Variants in AGBL1 observed in about 807,000 individuals in gnomAD.
AGBL1 encodes the protein AGBL carboxypeptidase 1.
Under a neutral mutation model 118.9 loss-of-function variants are expected in AGBL1, and 130 were observed. The ratio of observed to expected loss-of-function variants is 1.09; its 90% CI spans 0.95 to 1.26. AGBL1 has a LOEUF of 1.26. AGBL1 is among the 50% of genes most tolerant of loss of function. The pLI is 0.00. For missense variants in AGBL1, 1,584 were observed against 1,298.1 expected, an observed-to-expected ratio of 1.22 and a Z score of -3.38; for synonymous variants, 555 against 478.9, an observed-to-expected ratio of 1.16 and a Z score of -2.08.
intron 1 of AGBL1, among the ~76,000 whole-genome samples, chr15:86,104,514 C>T (rs1035824520): frequency 6.6e-6 from 1 of 152,188 alleles, no homozygotes; most frequent in African/African-American, 2.4e-5. Context: ...GCCCTGGGTG[C>T]AGCAGCCAGT....
rs1313836861 is a variant in AGBL1, at chr15:86,674,425, G to C, written c.3147G>C (p.Gln1049His). The change falls in exon 22 of 23, where the codon CAG (glutamine) becomes CAC (histidine). Residue 1049 changes from glutamine (Q) to histidine (H), a missense_variant. Physicochemically the swap from Gln to His is conservative, Grantham distance 24 (BLOSUM62 0). Coordinates refer to ENST00000614907, the MANE Select transcript of AGBL1 (RefSeq NM_001386094.1). Reference protein sequence around the residue: ...LLSAEEDALDQHLQRCSSSSG... With the variant: ...LLSAEEDALDHHLQRCSSSSG... The stretch of plus-strand genomic sequence containing the variant: ...GTGCTGAGGAGGACGCTCTGGACCA[G>C]CACCTCCAACGGTAAGATGCTCCCA... 1.2e-6 allele frequency: 2 copies of C among 1,606,240 alleles called. No individual in the cohort carries two copies. Among genetic ancestry groups the C allele is most frequent in the Non-Finnish European group, 1.7e-6 (2 of 1,174,026 alleles).
chr15:86,815,700 A>G (rs904754179), intron 22 of AGBL1, among the ~76,000 whole-genome samples: 1 of 151,778 alleles, frequency 6.6e-6, no homozygotes, highest in Non-Finnish European at 1.5e-5. Context: ...GGGGTCTCCA[A>G]TCTTTCTGAT....
intron 23 of AGBL1, among the ~76,000 whole-genome samples, chr15:86,970,220 A>G (rs1018925062): frequency 6.6e-6 from 1 of 151,920 alleles, no homozygotes; most frequent in African/African-American, 2.4e-5. Context: ...ATGAGATCCC[A>G]ATATACTGGG....
At chr15:86,988,155 T>C in intron 24 of AGBL1, 2 of 1,571,492 alleles carry the variant, frequency 1.3e-6, no homozygotes, top group South Asian at 1.2e-5. Context: ...ATACCCTGCA[T>C]GTGACTACAT....
intron 22 of AGBL1, among the ~76,000 whole-genome samples, chr15:86,770,379 G>C (rs891320838): frequency 5.9e-5 from 9 of 151,918 alleles, no homozygotes; most frequent in African/African-American, 2.2e-4. Flanking sequence ...TCATGACTGG[G>C]AAGGTAGGGT....
At chr15:86,864,908 ACT>A (rs2079604504) in intron 22 of AGBL1, among the ~76,000 whole-genome samples, 1 of 151,902 alleles carries the variant, frequency 6.6e-6, no homozygotes, top group African/African-American at 2.4e-5. Context: ...ACAACCCTAA[ACT>A]CTCTCCATAT....
At chr15:86,226,668 G>A (rs554510366) in intron 6 of AGBL1, among the ~76,000 whole-genome samples, 5 of 152,320 alleles carry the variant, frequency 3.3e-5, no homozygotes, top group East Asian at 1.9e-4. Context: ...GGCTCAGACC[G>A]TGTAGCTAGG....
At chr15:86,946,807 G>A (rs1457183220) in intron 23 of AGBL1, among the ~76,000 whole-genome samples, 2 of 128,954 alleles carry the variant, frequency 1.6e-5, no homozygotes, top group Non-Finnish European at 1.6e-5. Flanking sequence ...TCATGCCATT[G>A]CACTCCAGCC....
intron 18 of AGBL1, among the ~76,000 whole-genome samples, chr15:86,465,731 C>G (rs1434263326): frequency 6.6e-6 from 1 of 152,166 alleles, no homozygotes; most frequent in African/African-American, 2.4e-5. Context: ...AAATTCTAGT[C>G]AGACTGGTTG....
intron 18 of AGBL1, among the ~76,000 whole-genome samples, chr15:86,455,880 T>C (rs1204578048): frequency 6.6e-6 from 1 of 152,136 alleles, no homozygotes; most frequent in African/African-American, 2.4e-5. Context: ...TATTCAAATC[T>C]CTCATAGCCA....
intron 22 of AGBL1, among the ~76,000 whole-genome samples, chr15:86,703,113 A>C (rs547149039): frequency 3.0e-4 from 46 of 152,302 alleles, no homozygotes; most frequent in African/African-American, 1.1e-3. Flanking sequence ...GCTTTTATCA[A>C]CTGGGTAGAG....
At chr15:86,409,538 T>G (rs1226454207) in intron 18 of AGBL1, among the ~76,000 whole-genome samples, 1 of 152,170 alleles carries the variant, frequency 6.6e-6, no homozygotes, top group Non-Finnish European at 1.5e-5. Context: ...ATTGCCATTT[T>G]GAATAAATAT....
chr15:86,116,659 G>A (rs1392995726), intron 1 of AGBL1: 1 of 152,186 alleles, frequency 6.6e-6, no homozygotes, highest in Admixed American at 6.5e-5. Flanking sequence ...TTCACACTAT[G>A]GGACTTACAC....
At chr15:86,410,815 T>G (rs1295262757) in intron 18 of AGBL1, among the ~76,000 whole-genome samples, 3 of 92,582 alleles carry the variant, frequency 3.2e-5, no homozygotes, top group Non-Finnish European at 5.9e-5. Context: ...TAGATATATA[T>G]ATATATATAT....
At chr15:86,372,773 A>G (rs2080988531) in intron 17 of AGBL1, among the ~76,000 whole-genome samples, 1 of 152,244 alleles carries the variant, frequency 6.6e-6, no homozygotes, top group Non-Finnish European at 1.5e-5. Flanking sequence ...AGATGCTACA[A>G]AGGCTTCTCT....
intron 22 of AGBL1, among the ~76,000 whole-genome samples, chr15:86,760,014 C>T (rs955081512): frequency 6.6e-6 from 1 of 151,998 alleles, no homozygotes; most frequent in African/African-American, 2.4e-5. Context: ...ACTGTAGGAA[C>T]CTTCCCCTAT....
intron 18 of AGBL1, among the ~76,000 whole-genome samples, chr15:86,485,852 G>A (rs755485452): frequency 6.6e-6 from 1 of 152,024 alleles, no homozygotes; most frequent in Non-Finnish European, 1.5e-5. Flanking sequence ...ACAAATCCTG[G>A]TCCAAAGGTT....
At chr15:86,291,783 A>G (rs2079548853) in intron 16 of AGBL1, among the ~76,000 whole-genome samples, 1 of 152,102 alleles carries the variant, frequency 6.6e-6, no homozygotes, top group Non-Finnish European at 1.5e-5. Flanking sequence ...ATGTGTAGTT[A>G]GTCATCTTGT....
chr15:86,634,576 C>T (rs2085045863), intron 21 of AGBL1, among the ~76,000 whole-genome samples: 1 of 152,206 alleles, frequency 6.6e-6, no homozygotes, highest in South Asian at 2.1e-4. Context: ...GAAGTGTCTG[C>T]TAATGGATGT....
Sources: allele counts gnomAD v4.1 joint callset (sites outside exome capture counted in the v4.1 genomes callset), GRCh38; gene constraint gnomAD v4.1.1; transcripts MANE v1.5; gene names NCBI Gene and HGNC (gene_info 2026-07-23, HGNC 2026-07-21).